The following PRELID2 variants were observed in gnomAD, a reference collection of about 807,000 sequenced individuals.
PRELID2 encodes the protein PRELI domain containing 2.
PRELID2 carries 25 observed loss-of-function variants against 28.4 expected under a neutral mutation model. The observed-to-expected ratio is 0.88, with a 90% CI of 0.64 to 1.23. PRELID2 has a LOEUF of 1.23. PRELID2 is among the 50% of genes most tolerant of loss of function. PRELID2 has a pLI of 0.00. For missense variants in PRELID2, 201 were observed against 214.4 expected, an observed-to-expected ratio of 0.94 and a Z score of 0.39; for synonymous variants, 76 against 71.6, an observed-to-expected ratio of 1.06 and a Z score of -0.31.
chr5:145,620,844 A>C (rs1002720975), intron 1 of PRELID2, among the ~76,000 whole-genome samples: 2 of 151,874 alleles, frequency 1.3e-5, no homozygotes, highest in East Asian at 3.9e-4. Context: ...CACACACACA[A>C]AATTAAAGAT....
intron 5 of PRELID2, among the ~76,000 whole-genome samples, chr5:145,776,955 AT>A (rs1758448130): frequency 1.3e-5 from 2 of 152,352 alleles, no homozygotes; most frequent in African/African-American, 4.8e-5. Context: ...TAAGGCTTGT[AT>A]TTTTAAAAAA....
chr5:145,316,914 C>T, the PRELID2 span, among the ~76,000 whole-genome samples: 6 of 152,178 alleles, frequency 3.9e-5, no homozygotes, highest in African/African-American at 1.4e-4. Flanking sequence ...CCATTTAACT[C>T]TGAAGAATTT....
the PRELID2 span, among the ~76,000 whole-genome samples, chr5:145,463,346 T>TG: frequency 6.6e-6 from 1 of 151,232 alleles, no homozygotes; most frequent in Non-Finnish European, 1.5e-5. Flanking sequence ...TTTGAAGTTT[T>TG]TTTTTTTTTT....
At chr5:145,755,705 C>T (rs957922980), downstream of PRELID2, among the ~76,000 whole-genome samples, 1 of 151,214 alleles carries the variant, frequency 6.6e-6, no homozygotes, top group Non-Finnish European at 1.5e-5. Flanking sequence ...CTTTTTAAAG[C>T]TCCCTCATAT....
At chr5:145,234,569 GT>G in the PRELID2 span, among the ~76,000 whole-genome samples, 4 of 152,004 alleles carry the variant, frequency 2.6e-5, no homozygotes, top group African/African-American at 4.8e-5. Context: ...CCTAAAAAGC[GT>G]TCCAACTCCC....
chr5:145,832,512 T>C lies in PRELID2; in HGVS notation c.75+2665A>G, dbSNP rs577724125. On this transcript the variant is annotated intron_variant, in intron 1 of 6. Transcript: ENST00000683046. ...CAAAGTTGATTCTGAAACCCTGTAT[T>C]ACCTCAATAATCGTTGAAGTGCCTA... Among the ~76,000 whole-genome samples the C allele has an allele frequency of 6.6e-5, 10 of 152,234 alleles. No individual in the cohort carries two copies. The South Asian group carries it at 2.1e-3, about 32-fold the overall frequency.
chr5:145,682,754 G>T (rs1754961922), intron 1 of PRELID2, among the ~76,000 whole-genome samples: 1 of 152,162 alleles, frequency 6.6e-6, no homozygotes, highest in Non-Finnish European at 1.5e-5. Flanking sequence ...CAATATCAAG[G>T]TATAAATTAA....
chr5:145,670,220 A>T (rs1581042289), intron 1 of PRELID2, among the ~76,000 whole-genome samples: 1 of 152,130 alleles, frequency 6.6e-6, no homozygotes, highest in African/African-American at 2.4e-5. Context: ...CAGAAGGCAA[A>T]GAGAGAGCAG....
chr5:145,233,036 C>A, the PRELID2 span, among the ~76,000 whole-genome samples: 638 of 151,568 alleles, frequency 4.2e-3, 3 homozygotes, highest in African/African-American at 0.015. Context: ...TATACTACTA[C>A]CCCTGCTATT....
the PRELID2 span, among the ~76,000 whole-genome samples, chr5:145,373,446 C>A: frequency 5.0e-5 from 2 of 40,004 alleles, no homozygotes; most frequent in African/African-American, 1.0e-4. Context: ...TATATTACAA[C>A]ATATATAATA....
At chr5:145,666,328 C>G (rs1754593374) in intron 1 of PRELID2, among the ~76,000 whole-genome samples, 1 of 152,048 alleles carries the variant, frequency 6.6e-6, no homozygotes. Context: ...TTTTCTGATT[C>G]TCAAGATATG....
At chr5:145,556,984 C>T (rs1224260665) in intron 1 of PRELID2, among the ~76,000 whole-genome samples, 2 of 152,194 alleles carry the variant, frequency 1.3e-5, no homozygotes, top group Non-Finnish European at 1.5e-5. Context: ...GTCATGACAC[C>T]GTGTGACTTA....
intron 1 of PRELID2, among the ~76,000 whole-genome samples, chr5:145,689,127 G>A (rs1298645229): frequency 6.6e-6 from 1 of 152,224 alleles, no homozygotes; most frequent in Non-Finnish European, 1.5e-5. Context: ...GAAAAGGGCC[G>A]CTGGAGAGAT....
At chr5:145,832,341 A>G (rs1344961454) in intron 1 of PRELID2, among the ~76,000 whole-genome samples, 2 of 151,954 alleles carry the variant, frequency 1.3e-5, no homozygotes, top group African/African-American at 4.8e-5. Flanking sequence ...AGGGCACCAC[A>G]CCTGGCTAAT....
At chr5:145,636,257 C>G (rs533632036) in intron 1 of PRELID2, among the ~76,000 whole-genome samples, 2 of 152,334 alleles carry the variant, frequency 1.3e-5, no homozygotes, top group East Asian at 3.9e-4. Flanking sequence ...AGTAGAAGAG[C>G]AGTAATCAAA....
chr5:145,323,213 G>A, the PRELID2 span, among the ~76,000 whole-genome samples: 1 of 151,880 alleles, frequency 6.6e-6, no homozygotes, highest in African/African-American at 2.4e-5. Context: ...GGGCTTTAAA[G>A]CTAGAAAGGG....
chr5:145,725,708 A>G (rs1413657343), intron 1 of PRELID2, among the ~76,000 whole-genome samples: 1 of 152,184 alleles, frequency 6.6e-6, no homozygotes, highest in Non-Finnish European at 1.5e-5. Flanking sequence ...TTCCAAGGGT[A>G]GGCTTTTCAA....
the PRELID2 span, among the ~76,000 whole-genome samples, chr5:145,400,276 C>T: frequency 4.6e-3 from 695 of 152,032 alleles, 6 homozygotes; most frequent in African/African-American, 0.015. Flanking sequence ...AATTTTTCTC[C>T]CATCCAGACC....
intron 5 of PRELID2, among the ~76,000 whole-genome samples, chr5:145,780,130 T>G (rs537871013): frequency 1.3e-5 from 2 of 152,278 alleles, no homozygotes; most frequent in South Asian, 4.1e-4. Context: ...CTGGCCAACA[T>G]GGCAAAACCC....
Sources: allele counts gnomAD v4.1 joint callset (sites outside exome capture counted in the v4.1 genomes callset), GRCh38; gene constraint gnomAD v4.1.1; transcripts MANE v1.5; gene names NCBI Gene and HGNC (gene_info 2026-07-23, HGNC 2026-07-21).